Variants in CCSER1 observed in about 807,000 individuals in gnomAD.
The protein encoded by CCSER1 is serine-rich coiled-coil domain-containing protein 1.
In CCSER1, 41 loss-of-function variants were observed where a neutral mutation model predicts 82.0. The ratio of observed to expected loss-of-function variants is 0.50; its 90% confidence interval spans 0.39 to 0.65. The LOEUF is 0.65. Ranked by LOEUF, CCSER1 falls within the 30% of genes least tolerant of loss-of-function variation. The probability of loss-of-function intolerance (pLI) is 0.00; values close to 1 mark genes in which losing one functional copy is unlikely to be tolerated. For missense variants in CCSER1, 1,119 were observed against 1,064.2 expected (o/e 1.05, Z -0.72); for synonymous variants, 414 against 383.9 (o/e 1.08, Z -0.92).
At chr4:90,198,576 A>G (rs934995991) in intron 1 of CCSER1, among the ~76,000 whole-genome samples, 2 of 152,126 alleles carry the variant, frequency 1.3e-5, no homozygotes, top group African/African-American at 2.4e-5. Context: ...ATTTTAGGTG[A>G]ACTTCATCTT....
At chr4:91,326,505 G>C (rs1746568202) in intron 10 of CCSER1, among the ~76,000 whole-genome samples, 1 of 152,090 alleles carries the variant, frequency 6.6e-6, no homozygotes, top group Non-Finnish European at 1.5e-5. Flanking sequence ...TTCAACACTG[G>C]GGGATAACAA....
chr4:90,397,149 A>G (rs1182645432), intron 3 of CCSER1, among the ~76,000 whole-genome samples: 3 of 152,350 alleles, frequency 2.0e-5, no homozygotes, highest in African/African-American at 7.2e-5. Flanking sequence ...TTGTAAGCAC[A>G]ATATCAAAGG....
At chr4:91,058,970 TAC>T (rs1317614887) in intron 9 of CCSER1, among the ~76,000 whole-genome samples, 1 of 152,014 alleles carries the variant, frequency 6.6e-6, no homozygotes, top group African/African-American at 2.4e-5. Flanking sequence ...CTATAATTCT[TAC>T]AGTCTTTTTC....
At chr4:91,386,870 A>C (rs1051859160) in intron 10 of CCSER1, among the ~76,000 whole-genome samples, 3 of 152,050 alleles carry the variant, frequency 2.0e-5, no homozygotes, top group African/African-American at 7.2e-5. Flanking sequence ...GAAACAAAAA[A>C]GATGCATAAA....
chr4:91,299,256 A>C (rs1744467502), intron 10 of CCSER1, among the ~76,000 whole-genome samples: 1 of 152,034 alleles, frequency 6.6e-6, no homozygotes, highest in Admixed American at 6.6e-5. Flanking sequence ...TGTTTTTCTT[A>C]ATATGCTACA....
intron 4 of CCSER1, among the ~76,000 whole-genome samples, chr4:90,455,731 A>T (rs1383538810): frequency 6.6e-6 from 1 of 152,160 alleles, no homozygotes; most frequent in Non-Finnish European, 1.5e-5. Context: ...ACCCACCTAT[A>T]TGGTGCCTAA....
At chr4:90,743,427 G>T (rs1446028217) in intron 7 of CCSER1, among the ~76,000 whole-genome samples, 1 of 152,156 alleles carries the variant, frequency 6.6e-6, no homozygotes, top group Non-Finnish European at 1.5e-5. Context: ...TTAGCAGTCG[G>T]TTTATGTCTT....
intron 4 of CCSER1, among the ~76,000 whole-genome samples, chr4:90,435,737 G>C (rs1343520783): frequency 6.6e-6 from 1 of 152,070 alleles, no homozygotes; most frequent in Non-Finnish European, 1.5e-5. Context: ...CCTAAGCTGT[G>C]TAATACATGA....
chr4:91,463,289 T>C (rs1756625855), intron 10 of CCSER1, among the ~76,000 whole-genome samples: 1 of 152,188 alleles, frequency 6.6e-6, no homozygotes, highest in Admixed American at 6.5e-5. Context: ...GACCTGCAGC[T>C]GAGGGTGCTG....
At chr4:91,322,986 T>C (rs1024215653) in intron 10 of CCSER1, among the ~76,000 whole-genome samples, 6 of 152,200 alleles carry the variant, frequency 3.9e-5, no homozygotes, top group African/African-American at 1.4e-4. Flanking sequence ...CTGTTTTCTC[T>C]TTTAAGATAC....
chr4:90,261,334 CTT>C (rs59260945), intron 1 of CCSER1, among the ~76,000 whole-genome samples: 6,791 of 152,086 alleles, frequency 0.045, 392 homozygotes, highest in African/African-American at 0.13. Flanking sequence ...CTGGAAAACA[CTT>C]TATCTCTTCA....
chr4:91,127,368 C>A (rs1031178303), intron 10 of CCSER1, among the ~76,000 whole-genome samples: 1 of 152,044 alleles, frequency 6.6e-6, no homozygotes, highest in Non-Finnish European at 1.5e-5. Context: ...ACCGTAGAGA[C>A]CATGTGCCAA....
intron 10 of CCSER1, among the ~76,000 whole-genome samples, chr4:91,528,213 G>A (rs904801082): frequency 4.0e-5 from 6 of 150,952 alleles, no homozygotes; most frequent in Admixed American, 2.6e-4. Context: ...GAGCCACTGC[G>A]CCCAGCCCAA....
rs1027933863 is a variant in CCSER1, at chr4:90,469,719, T to A, written c.1724+1365T>A. On this transcript the variant is annotated intron_variant, in intron 5 of 10. Coordinates refer to ENST00000509176, the MANE Select transcript of CCSER1 (RefSeq NM_001145065.2). The stretch of plus-strand genomic sequence containing the variant: ...TCAGCTATCAACATTATGGGTGACT[T>A]ATGGTTATATATTCTTTTCATGAAG... 2.0e-5 allele frequency among the ~76,000 whole-genome samples: 3 copies of A among 152,230 alleles called. No homozygotes were observed. The East Asian group carries it at 5.8e-4, about 29-fold the overall frequency.
At chr4:90,776,624 T>C (rs1354253230) in intron 7 of CCSER1, among the ~76,000 whole-genome samples, 4 of 152,230 alleles carry the variant, frequency 2.6e-5, no homozygotes, top group African/African-American at 9.6e-5. Flanking sequence ...CAACTAATGT[T>C]TGTTAAATGC....
At chr4:91,181,229 C>G (rs1349009258) in intron 10 of CCSER1, among the ~76,000 whole-genome samples, 4 of 152,182 alleles carry the variant, frequency 2.6e-5, no homozygotes, top group Non-Finnish European at 5.9e-5. Flanking sequence ...TTGATAAATG[C>G]AAAGGCAACT....
intron 3 of CCSER1, among the ~76,000 whole-genome samples, chr4:90,368,549 C>T (rs1169143928): frequency 6.6e-6 from 1 of 151,848 alleles, no homozygotes; most frequent in Non-Finnish European, 1.5e-5. Flanking sequence ...AGGAGGATCA[C>T]TTGAGCCAGG....
chr4:90,670,965 G>A (rs928549770), intron 6 of CCSER1, among the ~76,000 whole-genome samples: 23 of 152,022 alleles, frequency 1.5e-4, no homozygotes, highest in African/African-American at 5.6e-4. Flanking sequence ...ACAATGTTTG[G>A]TTTCCCAGTA....
intron 5 of CCSER1, among the ~76,000 whole-genome samples, chr4:90,475,673 G>T (rs965615126): frequency 3.3e-5 from 5 of 152,172 alleles, no homozygotes; most frequent in African/African-American, 1.2e-4. Context: ...TAGGACTCTA[G>T]AGTTAGTCAG....
Sources: allele counts gnomAD v4.1 joint callset (sites outside exome capture counted in the v4.1 genomes callset), GRCh38; gene constraint gnomAD v4.1.1; transcripts MANE v1.5; gene names NCBI Gene and HGNC (gene_info 2026-07-23, HGNC 2026-07-21).